The following MAST2 variants were observed in gnomAD, a reference collection of about 807,000 sequenced individuals.
MAST2 encodes microtubule-associated serine/threonine-protein kinase 2.
A neutral mutation model predicts 147.4 loss-of-function variants in MAST2; 70 were observed. That is an observed-to-expected ratio of 0.47 (90% CI 0.39 to 0.58). The LOEUF (loss-of-function observed/expected upper bound fraction) is 0.58. Among genes scored for constraint, MAST2 ranks in the 20% least tolerant of loss-of-function variants. The pLI, the probability that MAST2 is intolerant of heterozygous loss-of-function variation, is 0.00. For missense variants in MAST2, 2,080 were observed against 2,302.3 expected (o/e 0.90, Z 1.98); for synonymous variants, 869 against 896.8 (o/e 0.97, Z 0.55).
At chr1:45,872,008 C>T (rs775561396) in intron 3 of MAST2, among the ~76,000 whole-genome samples, 3 of 152,098 alleles carry the variant, frequency 2.0e-5, no homozygotes, top group Non-Finnish European at 4.4e-5. Context: ...GGATTACAGG[C>T]GTGAGCCACA....
chr1:45,870,081 G>T (rs569873292), intron 3 of MAST2, among the ~76,000 whole-genome samples: 144 of 152,210 alleles, frequency 9.5e-4, no homozygotes, highest in Non-Finnish European at 1.4e-3. Context: ...CTGCCACCAT[G>T]CCTGGCTAAT....
chr1:45,936,450 C>T (rs1413216078), intron 4 of MAST2, among the ~76,000 whole-genome samples: 4 of 133,198 alleles, frequency 3.0e-5, no homozygotes, highest in African/African-American at 3.0e-5. Flanking sequence ...TTCCAGTTCT[C>T]AAGGGGACCG....
At chr1:45,948,706 CAAAAAAAAAAAA>C (rs34012353) in intron 4 of MAST2, among the ~76,000 whole-genome samples, 1 of 40,236 alleles carries the variant, frequency 2.5e-5, no homozygotes, top group Admixed American at 4.8e-4. Flanking sequence ...GACTCCATCT[CAAAAAAAAAAAA>C]AAAAAAAAAA....
intron 4 of MAST2, among the ~76,000 whole-genome samples, chr1:45,901,113 T>C (rs1300839897): frequency 6.6e-6 from 1 of 152,178 alleles, no homozygotes; most frequent in Non-Finnish European, 1.5e-5. Context: ...AGGTATTCTT[T>C]TAGGGTTTTT....
chr1:45,846,707 C>T (rs1424118218), intron 3 of MAST2, among the ~76,000 whole-genome samples: 1 of 151,916 alleles, frequency 6.6e-6, no homozygotes, highest in Admixed American at 6.6e-5. Flanking sequence ...TACCTGTAAT[C>T]CTAGCTACCT....
intron 1 of MAST2, among the ~76,000 whole-genome samples, chr1:45,811,621 G>T (rs887671848): frequency 2.1e-5 from 3 of 145,488 alleles, no homozygotes; most frequent in African/African-American, 7.7e-5. Flanking sequence ...TTATAGGCGT[G>T]AGCCACCGCA....
At chr1:45,927,005 A>G (rs1654475143) in intron 4 of MAST2, among the ~76,000 whole-genome samples, 1 of 152,218 alleles carries the variant, frequency 6.6e-6, no homozygotes, top group African/African-American at 2.4e-5. Flanking sequence ...GACAGAGTAC[A>G]AAAGAGAGAA....
At chr1:45,859,445 G>A (rs1307124663) in intron 3 of MAST2, among the ~76,000 whole-genome samples, 1 of 152,174 alleles carries the variant, frequency 6.6e-6, no homozygotes, top group East Asian at 1.9e-4. Flanking sequence ...CTAGGTAAGA[G>A]CTGAAGTAGG....
intron 15 of MAST2, among the ~76,000 whole-genome samples, 175 bp from the exon 16 acceptor site, chr1:46,025,502 A>AT (rs1646370923): frequency 6.6e-6 from 1 of 152,086 alleles, no homozygotes; most frequent in African/African-American, 2.4e-5. Context: ...CAGCCAAACC[A>AT]TATCACCCTG....
At chr1:46,002,106 G>A (rs1219584752) in intron 6 of MAST2, among the ~76,000 whole-genome samples, 3 of 152,168 alleles carry the variant, frequency 2.0e-5, no homozygotes, top group Admixed American at 6.5e-5. Context: ...TAACTGTGGC[G>A]GGGTGGGGGG....
rs1006023512 is a variant in MAST2, at chr1:46,028,789, A to T, written c.2074A>T (p.Ile692Phe). 1 of 1,614,076 alleles carries T rather than the reference A, an allele frequency of 6.2e-7. No homozygotes were observed. The highest frequency in any genetic ancestry group is 8.5e-7 in the Non-Finnish European group (1 of 1,179,996). ...DKQVCGTPEY[I>F]APEVILRQGY... ...CCAGGTATGCGGGACCCCAGAATAC[A>T]TTGCGCCTGAGGTGATCCTGCGCCA... Residue 692 changes from isoleucine to phenylalanine, a missense_variant, in exon 18 of 29, where the codon ATT becomes TTT. Physicochemically the swap from Ile to Phe is conservative, Grantham distance 21. This residue lies in a region of MAST2 where 209 missense variants were observed against 309.5 expected (regional missense o/e 0.68). Coordinates refer to ENST00000361297, the MANE Select transcript of MAST2 (RefSeq NM_015112.3).
chr1:45,878,457 A>G (rs1415458501), intron 3 of MAST2, among the ~76,000 whole-genome samples: 1 of 152,150 alleles, frequency 6.6e-6, no homozygotes, highest in Non-Finnish European at 1.5e-5. Context: ...TTAAATATTC[A>G]AAATGTTAAA....
At chr1:46,024,088 T>C (rs1292606744) in intron 15 of MAST2, 108 bp downstream of exon 15, 1 of 1,064,002 alleles carries the variant, frequency 9.4e-7, no homozygotes, top group African/African-American at 1.6e-5. Flanking sequence ...GGGCCCAGCT[T>C]TCCAGTCCAC....
chr1:46,032,443 A>T (rs753973835), intron 25 of MAST2, 39 bp downstream of exon 25: 2 of 1,608,640 alleles, frequency 1.2e-6, no homozygotes, highest in Admixed American at 3.3e-5. Flanking sequence ...TCCCTGCTTC[A>T]TCATCCTTCC....
intron 4 of MAST2, among the ~76,000 whole-genome samples, chr1:45,921,249 C>T (rs1322165314): frequency 6.6e-6 from 1 of 152,204 alleles, no homozygotes; most frequent in East Asian, 1.9e-4. Context: ...CCACCTCGGA[C>T]TCCCAAAGTG....
intron 3 of MAST2, among the ~76,000 whole-genome samples, chr1:45,852,308 C>T (rs373716019): frequency 1.3e-5 from 2 of 152,204 alleles, no homozygotes; most frequent in Admixed American, 6.5e-5. Flanking sequence ...ACTCCCACCC[C>T]GTCTTTATCT....
chr1:45,844,875 G>C (rs1440838138), intron 3 of MAST2, among the ~76,000 whole-genome samples: 1 of 152,132 alleles, frequency 6.6e-6, no homozygotes, highest in African/African-American at 2.4e-5. Flanking sequence ...TAGAGTTCTT[G>C]GGGCTCAGAA....
At chr1:45,929,383 A>AG (rs1026544101) in intron 4 of MAST2, among the ~76,000 whole-genome samples, 1 of 150,766 alleles carries the variant, frequency 6.6e-6, no homozygotes, top group Non-Finnish European at 1.5e-5. Context: ...CCAGAGCAGC[A>AG]GGGGGGGAGT....
intron 4 of MAST2, chr1:45,913,553 G>A: frequency 4.1e-6 from 4 of 982,244 alleles, no homozygotes; most frequent in Non-Finnish European, 4.8e-6. Flanking sequence ...TGCTGGCTGA[G>A]TGTGAATGAT....
Sources: gnomAD v4.1 joint callset for allele counts (sites outside exome capture counted in the v4.1 genomes callset) on GRCh38, gnomAD v4.1.1 for gene constraint, gnomAD v4.1.1 regional missense constraint, MANE v1.5 for transcripts, NCBI Gene and HGNC (gene_info 2026-07-23, HGNC 2026-07-21) for gene names.